ALK: variants seen among roughly 807,000 people sequenced by gnomAD.
The protein encoded by ALK is ALK tyrosine kinase receptor.
In ALK, 74 loss-of-function variants were observed where a neutral mutation model predicts 163.1. That is an observed-to-expected ratio of 0.45 (90% CI 0.38 to 0.55). The LOEUF (loss-of-function observed/expected upper bound fraction) is 0.55, where lower values mean the gene tolerates loss of function less well. Ranked by LOEUF, ALK falls within the 20% of genes least tolerant of loss-of-function variation. The pLI, the probability that ALK is intolerant of heterozygous loss-of-function variation, is 0.00. For missense variants in ALK, 2,063 were observed against 2,105.3 expected (o/e 0.98, Z 0.39); for synonymous variants, 960 against 843.2 (o/e 1.14, Z -2.40).
At chr2:29,864,321 A>G (rs553488584) in intron 1 of ALK, among the ~76,000 whole-genome samples, 2 of 152,302 alleles carry the variant, frequency 1.3e-5, no homozygotes, top group South Asian at 4.1e-4. Context: ...CATGTCTGAA[A>G]TACTCTTCTT....
intron 2 of ALK, among the ~76,000 whole-genome samples, chr2:29,709,532 T>C (rs779744825): frequency 1.4e-4 from 21 of 152,162 alleles, no homozygotes; most frequent in Non-Finnish European, 2.8e-4. Context: ...TTCCTTGACG[T>C]TTAAATGCTT....
intron 3 of ALK, among the ~76,000 whole-genome samples, chr2:29,693,137 A>C (rs533234207): frequency 6.6e-6 from 1 of 152,262 alleles, no homozygotes; most frequent in East Asian, 1.9e-4. Flanking sequence ...GGGATACAGG[A>C]AACTCCAAAA....
intron 2 of ALK, among the ~76,000 whole-genome samples, chr2:29,711,400 C>A (rs191812863): frequency 3.8e-4 from 58 of 152,300 alleles, no homozygotes; most frequent in African/African-American, 1.3e-3. Flanking sequence ...CTGGTCCTCC[C>A]TCCTCTGTGT....
chr2:29,454,319 A>T (rs975008598), intron 4 of ALK, among the ~76,000 whole-genome samples: 2 of 152,236 alleles, frequency 1.3e-5, no homozygotes, highest in African/African-American at 4.8e-5. Context: ...TAATATTTGC[A>T]TATAACCTAC....
Position 29,379,393 on chromosome 2 carries a change from A to T in ALK, c.1282+4339T>A, listed in dbSNP as rs4265966. ...TTGATTGATTAACCAATCAGTCAAC[A>T]TGTATTCGTGTGGTGTTTTCTGTGT... On this transcript the variant is annotated intron_variant, in intron 5 of 28. Transcript: ENST00000389048. Among the ~76,000 whole-genome samples, 134 of 152,346 alleles carry T rather than the reference A, an allele frequency of 8.8e-4. 1 individual carries two copies. In the East Asian group the frequency reaches 0.025, roughly 29 times the overall value.
chr2:29,815,407 T>C (rs1664872087), intron 1 of ALK, among the ~76,000 whole-genome samples: 1 of 152,152 alleles, frequency 6.6e-6, no homozygotes, highest in Non-Finnish European at 1.5e-5. Context: ...CCGCTATTCC[T>C]GGCCTACCAT....
At position 29,197,558 on chromosome 2, in the gene ALK, T is replaced by A. The variant is rs2148143242; in HGVS notation, c.4057A>T (p.Asn1353Tyr). The change falls in exon 27 of 29, where the codon AAC (asparagine) becomes TAC (tyrosine). Residue 1353 changes from asparagine (N) to tyrosine (Y), a missense_variant. Physicochemically the swap from Asn to Tyr is moderately radical, Grantham distance 143. Around this residue, in one of 5 missense-constraint regions of ALK, gnomAD observed 403 missense variants for 366.2 expected, o/e 1.10. Coordinates refer to ENST00000389048, the MANE Select transcript of ALK (RefSeq NM_004304.5). ...GAGTCATACACAGGCCCAGGGCAGTTCTTGGGTGGGTCCATCCGGCCTCCA... is the reference window on the plus strand; with the variant it reads ...GAGTCATACACAGGCCCAGGGCAGTACTTGGGTGGGTCCATCCGGCCTCCA... The part of the protein sequence containing the change: ...TSGGRMDPPK[N>Y]CPGPVYRIMT... The A allele has an allele frequency of 6.2e-7, 1 of 1,613,626 alleles. No homozygotes were observed. Among genetic ancestry groups the A allele is most frequent in the Non-Finnish European group, 8.5e-7 (1 of 1,180,018 alleles).
chr2:29,369,501 TCCAA>T (rs1299929827), intron 5 of ALK, among the ~76,000 whole-genome samples: 1 of 152,154 alleles, frequency 6.6e-6, no homozygotes, highest in Non-Finnish European at 1.5e-5. Flanking sequence ...GTGTAGCCGA[TCCAA>T]CCATTTCAGC....
Position 29,275,220 on chromosome 2 carries a change from TCC to T in ALK, c.1918_1919del (p.Gly640ArgfsTer17). On this transcript the variant is annotated frameshift_variant, in exon 11 of 29. Coordinates refer to ENST00000389048, the MANE Select transcript of ALK (RefSeq NM_004304.5). LOFTEE classifies it high-confidence loss of function. The stretch of plus-strand genomic sequence containing the variant: ...CTGTATTCTGCAGGATCTTGTCCTC[TCC>T]GCTAACTGCAATAGAGAAGACCCCA... ...ISLDCYLTIS[G>X]EDKILQNTAP... The T allele has an allele frequency of 6.2e-7, 1 of 1,614,160 alleles. No homozygotes were observed. The highest frequency in any genetic ancestry group is 1.7e-5 in the Admixed American group (1 of 60,032).
At chr2:29,260,070 T>A (rs1340955049) in intron 11 of ALK, among the ~76,000 whole-genome samples, 3 of 152,172 alleles carry the variant, frequency 2.0e-5, no homozygotes, top group Non-Finnish European at 2.9e-5. Context: ...TTTTAAAAAA[T>A]TTCCTCTTTT....
At chr2:29,233,890 G>C (rs1220281664) in intron 13 of ALK, among the ~76,000 whole-genome samples, 194 bp from the exon 14 acceptor site, 1 of 152,244 alleles carries the variant, frequency 6.6e-6, no homozygotes, top group Non-Finnish European at 1.5e-5. Context: ...GGATAGCTTA[G>C]ACAGAAAATG....
chr2:29,343,910 C>T (rs1667873164), intron 5 of ALK, among the ~76,000 whole-genome samples: 1 of 152,064 alleles, frequency 6.6e-6, no homozygotes, highest in South Asian at 2.1e-4. Flanking sequence ...CTGCCAGGTA[C>T]TATATTCTCT....
At chr2:29,579,627 A>G (rs1048591663) in intron 3 of ALK, among the ~76,000 whole-genome samples, 1 of 152,162 alleles carries the variant, frequency 6.6e-6, no homozygotes, top group African/African-American at 2.4e-5. Flanking sequence ...CTAACTCATC[A>G]TATATGAGCC....
chr2:29,210,123 G>A lies in ALK; in HGVS notation c.3744-245C>T, dbSNP rs377401115. ...AAATGTTTAATGGGGCAACCATAAT[G>A]AAATGCATCATACTAGGAACTAGGA... On this transcript the variant is annotated intron_variant, in intron 24 of 28. Transcript: ENST00000389048. Among the ~76,000 whole-genome samples, 14 of 152,280 alleles carry A rather than the reference G, an allele frequency of 9.2e-5. No individual in the cohort carries two copies. The South Asian group carries it at 2.7e-3, about 29-fold the overall frequency.
Position 29,314,875 on chromosome 2 carries a change from T to C in ALK, c.1647+3429A>G, listed in dbSNP as rs562448713. On this transcript the variant is annotated intron_variant, in intron 8 of 28. Transcript: ENST00000389048. ...GGTGTCAGCCGCCACTCTGCCGTGCTCTTTATTACCAGCGGCTGCAATGCC... is the reference window on the plus strand; with the variant it reads ...GGTGTCAGCCGCCACTCTGCCGTGCCCTTTATTACCAGCGGCTGCAATGCC... Among the ~76,000 whole-genome samples, 336 of 152,228 alleles carry C rather than the reference T, an allele frequency of 2.2e-3. 2 individuals are homozygous for C. Among genetic ancestry groups the C allele is most frequent in the African/African-American group, 7.1e-3 (296 of 41,508 alleles).
intron 1 of ALK, among the ~76,000 whole-genome samples, chr2:29,786,794 T>C (rs1664040050): frequency 6.6e-6 from 1 of 151,820 alleles, no homozygotes; most frequent in Non-Finnish European, 1.5e-5. Context: ...GTTTGTTTTG[T>C]TTGTTTGTTT....
At chr2:29,866,243 ACTT>A (rs780796300) in intron 1 of ALK, among the ~76,000 whole-genome samples, 8 of 152,174 alleles carry the variant, frequency 5.3e-5, no homozygotes, top group Non-Finnish European at 1.0e-4. Flanking sequence ...AGAGATAGGT[ACTT>A]CTTCTGCCAC....
At chr2:29,786,598 G>A (rs1057025112) in intron 1 of ALK, among the ~76,000 whole-genome samples, 1 of 152,230 alleles carries the variant, frequency 6.6e-6, no homozygotes, top group East Asian at 1.9e-4. Flanking sequence ...TGTGTACTGT[G>A]CTGGGTGAGG....
At chr2:29,903,440 G>A (rs959580324) in intron 1 of ALK, among the ~76,000 whole-genome samples, 1 of 152,026 alleles carries the variant, frequency 6.6e-6, no homozygotes, top group Non-Finnish European at 1.5e-5. Context: ...CCTCATCTGA[G>A]ACAGATGAGT....
Sources: gnomAD v4.1 joint callset for allele counts (sites outside exome capture counted in the v4.1 genomes callset) on GRCh38, gnomAD v4.1.1 for gene constraint, gnomAD v4.1.1 regional missense constraint, MANE v1.5 for transcripts, NCBI Gene and HGNC (gene_info 2026-07-23, HGNC 2026-07-21) for gene names.